ZDHHC2: variants seen among roughly 807,000 people sequenced by gnomAD.
The protein encoded by ZDHHC2 is zDHHC palmitoyltransferase 2.
In ZDHHC2, 51 loss-of-function variants were observed where a neutral mutation model predicts 55.6. That is an observed-to-expected ratio of 0.92 (90% CI 0.73 to 1.16). The LOEUF (loss-of-function observed/expected upper bound fraction) is 1.16, where lower values mean the gene tolerates loss of function less well. Ranked by LOEUF, ZDHHC2 falls within the 50% of genes most tolerant of loss-of-function variation. ZDHHC2 has a pLI of 0.00. For synonymous variants in ZDHHC2, 199 were observed against 152.9 expected, an observed-to-expected ratio of 1.30 and a Z score of -2.22; for missense variants, 491 against 442.4, an observed-to-expected ratio of 1.11 and a Z score of -0.99.
intron 1 of ZDHHC2, among the ~76,000 whole-genome samples, chr8:17,164,585 A>C (rs1425398458): frequency 6.6e-6 from 1 of 151,884 alleles, no homozygotes; most frequent in Non-Finnish European, 1.5e-5. Context: ...AGCAAAATAT[A>C]CACTAAACAA....
At chr8:17,161,798 T>C (rs1804356757) in intron 1 of ZDHHC2, among the ~76,000 whole-genome samples, 1 of 150,320 alleles carries the variant, frequency 6.7e-6, no homozygotes, top group South Asian at 2.1e-4. Flanking sequence ...AGGCAGAGGC[T>C]GCAGTGAGCC....
chr8:17,158,100 A>G (rs1186866014), intron 1 of ZDHHC2, among the ~76,000 whole-genome samples: 1 of 152,246 alleles, frequency 6.6e-6, no homozygotes, highest in Non-Finnish European at 1.5e-5. Flanking sequence ...GTCCAAAAAA[A>G]AAACCTTGAG....
intron 8 of ZDHHC2, among the ~76,000 whole-genome samples, chr8:17,208,718 A>C (rs1807227150): frequency 6.6e-6 from 1 of 152,220 alleles, no homozygotes; most frequent in Non-Finnish European, 1.5e-5. Context: ...AAATACTATT[A>C]GGGTGAAAAT....
At chr8:17,160,755 A>G (rs1804300381) in intron 1 of ZDHHC2, among the ~76,000 whole-genome samples, 1 of 152,254 alleles carries the variant, frequency 6.6e-6, no homozygotes, top group Non-Finnish European at 1.5e-5. Flanking sequence ...GCTATATAGT[A>G]CATATTTTTG....
chr8:17,168,335 G>T (rs1437640824), intron 1 of ZDHHC2, among the ~76,000 whole-genome samples: 1 of 152,108 alleles, frequency 6.6e-6, no homozygotes, highest in African/African-American at 2.4e-5. Context: ...TCACTTCTGG[G>T]GTTACTTTTA....
intron 1 of ZDHHC2, among the ~76,000 whole-genome samples, chr8:17,162,111 G>A (rs910705917): frequency 1.3e-5 from 2 of 152,160 alleles, no homozygotes; most frequent in East Asian, 3.9e-4. Flanking sequence ...GTAAGAGAAA[G>A]GACTCTGCTT....
rs1327211062 is a variant in ZDHHC2 at position 17,156,899 on chromosome 8, C to G, written c.130+46C>G. On this transcript the variant is annotated intron_variant, in intron 1 of 12. Coordinates refer to ENST00000262096, the MANE Select transcript of ZDHHC2 (RefSeq NM_016353.5). ...GGCGCCCCCAGCGCAGCGCAGCCCACCCCGACTGTCCCGGGACGCTCAGCC... is the reference window on the plus strand; with the variant it reads ...GGCGCCCCCAGCGCAGCGCAGCCCAGCCCGACTGTCCCGGGACGCTCAGCC... The G allele has an allele frequency of 5.5e-6, 8 of 1,461,090 alleles. No homozygotes were observed. In the East Asian group the frequency reaches 9.3e-5, roughly 17 times the overall value. The allele number at this position is 1,461,090 out of a possible 1,614,324, so 90.5% of individuals were successfully genotyped here.
intron 6 of ZDHHC2, among the ~76,000 whole-genome samples, chr8:17,199,509 T>G (rs62497330): frequency 0.78 from 94,301 of 120,968 alleles, 36,713 homozygotes; most frequent in Non-Finnish European, 0.83. Context: ...CTTCTTCTTC[T>G]TCTTCGTCTT....
chr8:17,218,039 T>A (rs1048238901), intron 12 of ZDHHC2, among the ~76,000 whole-genome samples: 1 of 152,192 alleles, frequency 6.6e-6, no homozygotes, highest in African/African-American at 2.4e-5. Flanking sequence ...TCAAAGTTCA[T>A]GGATATCTGT....
Position 17,209,962 on chromosome 8 carries a change from G to A in ZDHHC2, c.761G>A (p.Gly254Glu), listed in dbSNP as rs776426953. The change falls in exon 9 of 13, where the codon GGA (glycine) becomes GAA (glutamate). Residue 254 changes from glycine (G) to glutamate (E), a missense_variant. Coordinates refer to ENST00000262096, the MANE Select transcript of ZDHHC2 (RefSeq NM_016353.5). ...EAFRSPVFRH[G>E]TDKNGFSLGF... is the part of the protein sequence containing the mutation. ...TTCAGAAGTCCAGTATTTCGACATG[G>A]AACAGATAAGAATGGATTCAGCTTG... is the stretch of plus-strand genomic sequence containing the variant. 1.2e-6 allele frequency: 2 copies of A among 1,611,146 alleles called. No homozygotes were observed. The highest frequency in any genetic ancestry group is 1.7e-6 in the Non-Finnish European group (2 of 1,178,640).
chr8:17,181,725 A>T (rs1173007757), intron 1 of ZDHHC2, among the ~76,000 whole-genome samples: 1 of 152,156 alleles, frequency 6.6e-6, no homozygotes, highest in African/African-American at 2.4e-5. Flanking sequence ...TGTCCCAATT[A>T]TGTTCAGTAT....
intron 9 of ZDHHC2, 128 bp downstream of exon 9, chr8:17,210,186 T>A: frequency 8.3e-7 from 1 of 1,197,740 alleles, no homozygotes; most frequent in East Asian, 2.6e-5. Flanking sequence ...TTAAAAAATA[T>A]TATTCTATGA....
chr8:17,219,617 T>G (rs1164385244), intron 12 of ZDHHC2, among the ~76,000 whole-genome samples: 1 of 151,766 alleles, frequency 6.6e-6, no homozygotes, highest in African/African-American at 2.4e-5. Context: ...AGAAAAAAAA[T>G]TAGCTGGGTG....
intron 1 of ZDHHC2, among the ~76,000 whole-genome samples, chr8:17,170,064 G>C (rs1804783247): frequency 6.6e-6 from 1 of 152,236 alleles, no homozygotes; most frequent in Non-Finnish European, 1.5e-5. Flanking sequence ...ATTGCTGTCA[G>C]AGAGATTGGG....
At chr8:17,193,103 C>T (rs1806116959) in intron 3 of ZDHHC2, among the ~76,000 whole-genome samples, 1 of 152,194 alleles carries the variant, frequency 6.6e-6, no homozygotes, top group Non-Finnish European at 1.5e-5. Flanking sequence ...TAATGTGAGT[C>T]TTCCAGTTTT....
At chr8:17,171,165 C>T (rs1218822821) in intron 1 of ZDHHC2, among the ~76,000 whole-genome samples, 1 of 152,102 alleles carries the variant, frequency 6.6e-6, no homozygotes, top group African/African-American at 2.4e-5. Flanking sequence ...TGAAACAATT[C>T]AGTGGTTGTA....
At chr8:17,215,132 A>G (rs1418802278) in intron 10 of ZDHHC2, 105 bp from the exon 11 acceptor site, 2 of 908,680 alleles carry the variant, frequency 2.2e-6, no homozygotes, top group Non-Finnish European at 3.4e-6. Flanking sequence ...CTCCTGCATC[A>G]TCTTGCATTG....
chr8:17,179,961 A>T (rs1002186399), intron 1 of ZDHHC2, among the ~76,000 whole-genome samples: 2 of 152,198 alleles, frequency 1.3e-5, no homozygotes, highest in Non-Finnish European at 2.9e-5. Flanking sequence ...TCCAAGATAA[A>T]ATGAGGCAAA....
chr8:17,210,683 T>A lies in ZDHHC2; in HGVS notation c.950+203T>A, dbSNP rs937000208. ...TATACTTGTAAAATGGTGTTATTAA[T>A]CTAAGTGTGAGTAAAAAGGTGTTAA... On this transcript the variant is annotated intron_variant, in intron 10 of 12. Transcript: ENST00000262096. Among the ~76,000 whole-genome samples, 8 of 152,276 alleles carry A rather than the reference T, an allele frequency of 5.3e-5. No individual in the cohort carries two copies. The Middle Eastern group carries it at 0.017, about 324-fold the overall frequency.
Sources: gnomAD v4.1 joint callset for allele counts (sites outside exome capture counted in the v4.1 genomes callset) on GRCh38, gnomAD v4.1.1 for gene constraint, MANE v1.5 for transcripts, NCBI Gene and HGNC (gene_info 2026-07-23, HGNC 2026-07-21) for gene names.